WASHC5: variants seen among roughly 807,000 people sequenced by gnomAD.
The protein encoded by WASHC5 is WASH complex subunit 5, also known as WASH complex subunit strumpellin.
A neutral mutation model predicts 150.4 loss-of-function variants in WASHC5; 101 were observed. That is an observed-to-expected ratio of 0.67 (90% confidence interval 0.57 to 0.79). The LOEUF is 0.79. Ranked by LOEUF, WASHC5 falls within the 30% of genes least tolerant of loss-of-function variation. The pLI is 0.00. For synonymous variants in WASHC5, 467 were observed against 491.2 expected (o/e 0.95, Z 0.65); for missense variants, 1,195 against 1,396.3 (o/e 0.86, Z 2.30).
intron 9 of WASHC5, among the ~76,000 whole-genome samples, chr8:125,069,627 T>C (rs1816846112): frequency 1.3e-5 from 2 of 152,204 alleles, no homozygotes; most frequent in African/African-American, 4.8e-5. Flanking sequence ...TCATCTTATA[T>C]GCTGATTTCT....
intron 5 of WASHC5, among the ~76,000 whole-genome samples, chr8:125,080,833 A>C (rs1219230279): frequency 1.3e-5 from 2 of 152,174 alleles, no homozygotes; most frequent in African/African-American, 2.4e-5. Flanking sequence ...CTGTTGCTTG[A>C]TTTGTTTTTG....
intron 28 of WASHC5, among the ~76,000 whole-genome samples, chr8:125,026,034 T>C (rs530773670): frequency 2.0e-5 from 3 of 152,190 alleles, no homozygotes; most frequent in Non-Finnish European, 2.9e-5. Flanking sequence ...TTTTTTAAAA[T>C]AGATAAAGCT....
intron 27 of WASHC5, among the ~76,000 whole-genome samples, chr8:125,029,836 T>C (rs1030270842): frequency 6.6e-6 from 1 of 152,258 alleles, no homozygotes; most frequent in African/African-American, 2.4e-5. Context: ...AATACATTAC[T>C]GGTTAATTTC....
At chr8:125,043,732 G>C in intron 23 of WASHC5, 93 bp downstream of exon 23, 1 of 834,338 alleles carries the variant, frequency 1.2e-6, no homozygotes, top group Non-Finnish European at 2.0e-6. Context: ...ACAAAAGAAA[G>C]AAGAGTAGCT....
intron 6 of WASHC5, among the ~76,000 whole-genome samples, chr8:125,077,639 C>T (rs989079298): frequency 6.6e-6 from 1 of 152,208 alleles, no homozygotes; most frequent in African/African-American, 2.4e-5. Flanking sequence ...TCTGAATTGA[C>T]ACAGACCAAA....
chr8:125,083,882 G>A lies in WASHC5; in HGVS notation c.17C>T (p.Ala6Val), dbSNP rs780408982. The A allele has an allele frequency of 6.2e-6, 10 of 1,613,700 alleles. No individual in the cohort carries two copies. Among genetic ancestry groups the A allele is most frequent in the Non-Finnish European group, 8.5e-6 (10 of 1,179,870 alleles). Residue 6 changes from alanine (A) to valine (V), a missense_variant, in exon 2 of 29, where the codon GCC becomes GTC. Around this residue, in one of 3 missense-constraint regions of WASHC5, gnomAD observed 195 missense variants for 206.9 expected, o/e 0.94. Coordinates refer to ENST00000318410, the MANE Select transcript of WASHC5 (RefSeq NM_014846.4). ...TGCTTGGCCACAGAGGTTGTTCTCG[G>A]CTAGAAAGTCCAACATTGTGAGGCG... MLDFLAENNLCGQAIL... is the reference protein window; with the variant it reads MLDFLVENNLCGQAIL...
intron 9 of WASHC5, among the ~76,000 whole-genome samples, chr8:125,072,199 C>A (rs1449308915): frequency 6.6e-6 from 1 of 151,800 alleles, no homozygotes; most frequent in African/African-American, 2.4e-5. Context: ...AAAAACTTAG[C>A]CAGGCATGAT....
At chr8:125,065,765 C>G (rs144303082) in intron 10 of WASHC5, among the ~76,000 whole-genome samples, 1 of 151,908 alleles carries the variant, frequency 6.6e-6, no homozygotes, top group African/African-American at 2.4e-5. Context: ...TACAGGCACG[C>G]GCCACTGCAC....
chr8:125,056,162 A>T (rs2130082388), intron 16 of WASHC5, among the ~76,000 whole-genome samples: 1 of 152,344 alleles, frequency 6.6e-6, no homozygotes, highest in South Asian at 2.1e-4. Flanking sequence ...TTGACACTGT[A>T]CATCATATTT....
At chr8:125,091,509 C>G (rs1361564967) in intron 1 of WASHC5, 106 bp downstream of exon 1, 1 of 152,372 alleles carries the variant, frequency 6.6e-6, no homozygotes, top group Non-Finnish European at 1.5e-5. Context: ...AGTCCCCCAT[C>G]CAGGCTGCAC....
intron 9 of WASHC5, among the ~76,000 whole-genome samples, chr8:125,068,957 C>T (rs903355264): frequency 2.6e-5 from 4 of 152,246 alleles, no homozygotes; most frequent in African/African-American, 9.6e-5. Flanking sequence ...AGGCCAATTA[C>T]TTATCTAAGA....
In WASHC5 at chr8:125,063,718, G is replaced by C. The variant is rs550603415; in HGVS notation, c.1279-67C>G. ...ATCCAGACTAGGCAGCTTATGAAGA[G>C]AGCTTGAGGAAACCCAATTTAAATT... On this transcript the variant is annotated intron_variant, in intron 10 of 28. Coordinates refer to ENST00000318410, the MANE Select transcript of WASHC5 (RefSeq NM_014846.4). 4.5e-5 allele frequency: 65 copies of C among 1,455,376 alleles called. No homozygotes were observed. In the Admixed American group the frequency reaches 7.4e-4, roughly 16 times the overall value. 90.2% of individuals were successfully genotyped at this position (1,455,376 alleles called of 1,614,324 possible).
rs772180946 is a variant in WASHC5 at position 125,074,993 on chromosome 8, C to G, written c.978+5G>C. ...ATCAGAGAATGTCCCCAGATTAGAA[C>G]CTACCTGTTCTCTGACATTTGAAAG... is the stretch of plus-strand genomic sequence containing the variant. On this transcript the variant is annotated splice_donor_5th_base_variant and intron_variant, in intron 8 of 28. Coordinates refer to ENST00000318410, the MANE Select transcript of WASHC5 (RefSeq NM_014846.4). 25 of 1,560,744 alleles carry G rather than the reference C, an allele frequency of 1.6e-5. No individual in the cohort carries two copies. The highest frequency in any genetic ancestry group is 2.2e-5 in the Non-Finnish European group (25 of 1,131,520).
At chr8:125,066,869 C>T (rs1348454864) in intron 10 of WASHC5, among the ~76,000 whole-genome samples, 2 of 152,218 alleles carry the variant, frequency 1.3e-5, no homozygotes, top group Non-Finnish European at 2.9e-5. Context: ...CTAACAGATC[C>T]CTTCCCCAGG....
intron 9 of WASHC5, 21 bp downstream of exon 9, chr8:125,073,132 G>A (rs770839392): frequency 6.2e-7 from 1 of 1,613,166 alleles, no homozygotes; most frequent in East Asian, 2.2e-5. Flanking sequence ...AATATAAACG[G>A]CCACCCCTTT....
At chr8:125,058,231 T>C (rs1209584234) in intron 14 of WASHC5, among the ~76,000 whole-genome samples, 3 of 151,896 alleles carry the variant, frequency 2.0e-5, no homozygotes, top group Non-Finnish European at 4.4e-5. Context: ...CATCCCCAGT[T>C]ACAGAAATGT....
intron 2 of WASHC5, among the ~76,000 whole-genome samples, 161 bp from the exon 3 acceptor site, chr8:125,083,419 C>A (rs1307995054): frequency 3.9e-5 from 6 of 152,134 alleles, no homozygotes; most frequent in Admixed American, 1.3e-4. Flanking sequence ...GATATAAAAT[C>A]CCTTTGAGAG....
intron 5 of WASHC5, among the ~76,000 whole-genome samples, chr8:125,081,342 A>G (rs1817254939): frequency 6.7e-6 from 1 of 149,678 alleles, no homozygotes; most frequent in South Asian, 2.1e-4. Context: ...AGTTCAGGCG[A>G]TTCTCCTGCC....
intron 5 of WASHC5, 76 bp from the exon 6 acceptor site, chr8:125,079,006 T>C (rs1426641731): frequency 2.4e-6 from 3 of 1,235,548 alleles, no homozygotes; most frequent in African/African-American, 1.5e-5. Flanking sequence ...TAAAGTAGAA[T>C]TCCATTCTAC....
Sources: gnomAD v4.1 joint callset for allele counts (sites outside exome capture counted in the v4.1 genomes callset) on GRCh38, gnomAD v4.1.1 for gene constraint, gnomAD v4.1.1 regional missense constraint, MANE v1.5 for transcripts, NCBI Gene and HGNC (gene_info 2026-07-23, HGNC 2026-07-21) for gene names.